Variants in EXT2 observed in about 807,000 individuals in gnomAD.
EXT2 encodes the protein exostosin-2.
A neutral mutation model predicts 81.6 loss-of-function variants in EXT2; 53 were observed. The ratio of observed to expected loss-of-function variants is 0.65; its 90% CI spans 0.52 to 0.82. EXT2 has a LOEUF of 0.82. Among genes scored for constraint, EXT2 ranks in the 40% least tolerant of loss-of-function variants. The probability of loss-of-function intolerance (pLI) is 0.00; values close to 1 mark genes in which losing one functional copy is unlikely to be tolerated. For missense variants in EXT2, 774 were observed against 910.2 expected (o/e 0.85, Z 1.93); for synonymous variants, 320 against 340.0 (o/e 0.94, Z 0.65).
At chr11:44,195,535 T>A (rs1033007697) in intron 8 of EXT2, among the ~76,000 whole-genome samples, 1 of 152,248 alleles carries the variant, frequency 6.6e-6, no homozygotes, top group African/African-American at 2.4e-5. Context: ...ATATCCTGAT[T>A]ACATTAGGAC....
intron 6 of EXT2, among the ~76,000 whole-genome samples, chr11:44,128,682 A>T (rs183214074): frequency 6.6e-6 from 1 of 152,164 alleles, no homozygotes; most frequent in Non-Finnish European, 1.5e-5. Context: ...GGGTATTTCT[A>T]TGAGAATCTA....
intron 8 of EXT2, among the ~76,000 whole-genome samples, chr11:44,182,783 G>A (rs892804350): frequency 5.3e-5 from 8 of 152,096 alleles, no homozygotes; most frequent in African/African-American, 1.9e-4. Context: ...AAACATTGGT[G>A]CAATATTATT....
chr11:44,151,208 T>G (rs1354882299), intron 7 of EXT2, among the ~76,000 whole-genome samples: 1 of 151,870 alleles, frequency 6.6e-6, no homozygotes, highest in African/African-American at 2.4e-5. Context: ...GTGGTACATT[T>G]CTTACAGTTC....
At chr11:44,158,818 A>G (rs1434195742) in intron 7 of EXT2, among the ~76,000 whole-genome samples, 1 of 151,658 alleles carries the variant, frequency 6.6e-6, no homozygotes, top group Admixed American at 6.6e-5. Context: ...GAAAATCTTT[A>G]TTTCTCCTTC....
Position 44,244,380 on chromosome 11 carries a change from G to T in EXT2, c.*93G>T. The T allele has an allele frequency of 1.4e-6, 2 of 1,439,180 alleles. No individual in the cohort carries two copies. Among genetic ancestry groups the T allele is most frequent in the Non-Finnish European group, 2.0e-6 (2 of 1,024,750 alleles). 89.2% of individuals were successfully genotyped at this position (1,439,180 alleles called of 1,614,324 possible). A position where few individuals can be genotyped will look rare whatever the true frequency, so the allele number is the denominator to read the frequency against. On this transcript the variant is annotated 3_prime_UTR_variant, in exon 14 of 14. Coordinates refer to ENST00000533608, the MANE Select transcript of EXT2 (RefSeq NM_207122.2). Reference sequence around the variant, plus strand: ...TCTGATGTCAGAGTAGTAGGTTAAGGGTGGAAGGTTGACCTACTTGGATCT... The same window carrying T: ...TCTGATGTCAGAGTAGTAGGTTAAGTGTGGAAGGTTGACCTACTTGGATCT...
chr11:44,194,145 T>TA (rs1245802939), intron 8 of EXT2, among the ~76,000 whole-genome samples: 1 of 152,244 alleles, frequency 6.6e-6, no homozygotes, highest in East Asian at 1.9e-4. Context: ...TAAAGACATT[T>TA]AAGTGTGTTG....
chr11:44,227,165 C>G (rs1955846883), intron 10 of EXT2, among the ~76,000 whole-genome samples: 1 of 152,206 alleles, frequency 6.6e-6, no homozygotes, highest in Non-Finnish European at 1.5e-5. Flanking sequence ...CCTTCTCCCC[C>G]TAGTCTGTTT....
chr11:44,215,892 C>G (rs935204041), intron 10 of EXT2, among the ~76,000 whole-genome samples: 1 of 131,972 alleles, frequency 7.6e-6, no homozygotes, highest in Non-Finnish European at 1.5e-5. Flanking sequence ...TTTTTTGAGA[C>G]GGAGTCTCGC....
intron 13 of EXT2, among the ~76,000 whole-genome samples, chr11:44,238,402 G>C (rs1955995417): frequency 6.6e-6 from 1 of 152,138 alleles, no homozygotes; most frequent in Non-Finnish European, 1.5e-5. Context: ...GCCTGGTCTT[G>C]AACTCCTGGC....
intron 10 of EXT2, among the ~76,000 whole-genome samples, chr11:44,221,168 C>T (rs376768025): frequency 3.9e-5 from 6 of 152,264 alleles, no homozygotes; most frequent in Non-Finnish European, 5.9e-5. Flanking sequence ...CTCTCCTCCT[C>T]GAAGACCCCC....
At position 44,248,388 on chromosome 11, in the gene EXT2, A is replaced by G. The variant is rs1341991117; in HGVS notation, c.*4101A>G. Among the ~76,000 whole-genome samples, 3 of 152,222 alleles carry G rather than the reference A, an allele frequency of 2.0e-5. No homozygotes were observed. Among genetic ancestry groups the G allele is most frequent in the Non-Finnish European group, 4.4e-5 (3 of 68,046 alleles). On this transcript the variant is annotated 3_prime_UTR_variant, in exon 14 of 14. Coordinates refer to ENST00000533608, the MANE Select transcript of EXT2 (RefSeq NM_207122.2). ...GCTTTCCACTGCAGGGCCTGGAGGC[A>G]TATGAAACCTGTGGGGCCTGCCCCT...
intron 11 of EXT2, among the ~76,000 whole-genome samples, chr11:44,233,384 G>C (rs975473162): frequency 7.9e-5 from 12 of 152,170 alleles, no homozygotes; most frequent in African/African-American, 2.9e-4. Context: ...TTACTAGTAA[G>C]ACTGAAATTC....
intron 8 of EXT2, among the ~76,000 whole-genome samples, chr11:44,193,704 C>T (rs1955421485): frequency 6.6e-6 from 1 of 152,192 alleles, no homozygotes; most frequent in South Asian, 2.1e-4. Flanking sequence ...CATACTGCCT[C>T]CTGTGTTCAT....
At chr11:44,146,232 C>T (rs1954715199) in intron 7 of EXT2, among the ~76,000 whole-genome samples, 2 of 152,218 alleles carry the variant, frequency 1.3e-5, no homozygotes, top group South Asian at 4.1e-4. Context: ...CTCATTTTCA[C>T]TTAATCACCT....
chr11:44,229,558 C>T (rs552989836), intron 10 of EXT2, among the ~76,000 whole-genome samples: 5 of 152,172 alleles, frequency 3.3e-5, no homozygotes, highest in Admixed American at 1.3e-4. Flanking sequence ...CATAAAAACA[C>T]GGAGATGGTC....
At chr11:44,174,748 C>T (rs1309875020) in intron 8 of EXT2, among the ~76,000 whole-genome samples, 1 of 152,010 alleles carries the variant, frequency 6.6e-6, no homozygotes, top group Non-Finnish European at 1.5e-5. Flanking sequence ...GCTAGTACTT[C>T]CAGAACAATG....
intron 7 of EXT2, among the ~76,000 whole-genome samples, chr11:44,138,076 G>C (rs999549817): frequency 6.6e-6 from 1 of 152,178 alleles, no homozygotes; most frequent in Non-Finnish European, 1.5e-5. Flanking sequence ...GTGAACATCA[G>C]GGCACTGACT....
At chr11:44,189,700 G>A (rs1297267877) in intron 8 of EXT2, among the ~76,000 whole-genome samples, 3 of 152,158 alleles carry the variant, frequency 2.0e-5, no homozygotes, top group Admixed American at 6.6e-5. Context: ...TCCAACATTG[G>A]GGATTACAAT....
rs1015050866 is a variant in EXT2, at chr11:44,232,512, C to A, written c.1806+16C>A. On this transcript the variant is annotated intron_variant, in intron 11 of 13. Coordinates refer to ENST00000533608, the MANE Select transcript of EXT2 (RefSeq NM_207122.2). The stretch of plus-strand genomic sequence containing the variant: ...TTATCACAAGGTAAGGGGGCGCAGT[C>A]CTGGCAAGGTGACAAAACTGAGAGA... 4 of 1,613,648 alleles carry A rather than the reference C, an allele frequency of 2.5e-6. No individual in the cohort carries two copies. The highest frequency in any genetic ancestry group is 3.3e-5 in the Admixed American group (2 of 59,978).
Sources: allele counts gnomAD v4.1 joint callset (sites outside exome capture counted in the v4.1 genomes callset), GRCh38; gene constraint gnomAD v4.1.1; transcripts MANE v1.5; gene names NCBI Gene and HGNC (gene_info 2026-07-23, HGNC 2026-07-21).